ITPR1: variants seen among roughly 807,000 people sequenced by gnomAD.
The protein encoded by ITPR1 is inositol 1,4,5-trisphosphate receptor type 1.
Under a neutral mutation model 318.4 loss-of-function variants are expected in ITPR1, and 96 were observed. The observed-to-expected ratio is 0.30, with a 90% CI of 0.26 to 0.36. The LOEUF is 0.36. Ranked by LOEUF, ITPR1 falls within the 10% of genes least tolerant of loss-of-function variation. The probability of loss-of-function intolerance (pLI) is 1.00; values close to 1 mark genes in which losing one functional copy is unlikely to be tolerated. For missense variants in ITPR1, 2,440 were observed against 3,460.2 expected, an observed-to-expected ratio of 0.71 and a Z score of 7.40; for synonymous variants, 1,312 against 1,289.9, an observed-to-expected ratio of 1.02 and a Z score of -0.37.
intron 44 of ITPR1, among the ~76,000 whole-genome samples, chr3:4,745,633 G>A (rs1022620711): frequency 1.3e-5 from 2 of 152,066 alleles, no homozygotes; most frequent in Admixed American, 6.6e-5. Flanking sequence ...TTTTTCTACC[G>A]ATCCCCTTGG....
chr3:4,846,824 G>A lies in ITPR1; in HGVS notation c.*599G>A, dbSNP rs1035851976. The A allele has an allele frequency of 6.6e-6, 1 of 152,618 alleles. No homozygotes were observed. Among genetic ancestry groups the A allele is most frequent in the Non-Finnish European group, 1.5e-5 (1 of 68,024 alleles). 9.5% of individuals were successfully genotyped at this position (152,618 alleles called of 1,614,324 possible). A position where few individuals can be genotyped will look rare whatever the true frequency, so the allele number is the denominator to read the frequency against. The stretch of plus-strand genomic sequence containing the variant: ...AGTGCCTCCGTCTCCTAGTGATAAT[G>A]CTCCAAGTCTATGAACTGTTAAATC... On this transcript the variant is annotated 3_prime_UTR_variant, in exon 62 of 62. Coordinates refer to ENST00000649015, the MANE Select transcript of ITPR1 (RefSeq NM_001378452.1).
rs371822729 is a variant in ITPR1, at chr3:4,692,919, G to A, written c.4030-571G>A. The stretch of plus-strand genomic sequence containing the variant: ...GTGGATCATCTGAGGTTGAGAGTTC[G>A]AGACCAGCCTAGCCAACATGGGGAA... On this transcript the variant is annotated intron_variant, in intron 32 of 61. Coordinates refer to ENST00000649015, the MANE Select transcript of ITPR1 (RefSeq NM_001378452.1). 2.1e-4 allele frequency among the ~76,000 whole-genome samples: 32 copies of A among 152,218 alleles called. 1 individual carries two copies. The East Asian group carries it at 4.3e-3, about 20-fold the overall frequency.
At chr3:4,764,732 A>G (rs1030317814) in intron 44 of ITPR1, among the ~76,000 whole-genome samples, 13 of 152,334 alleles carry the variant, frequency 8.5e-5, no homozygotes, top group African/African-American at 2.9e-4. Context: ...AGCGTCTGCC[A>G]CAGCTTTGTT....
At chr3:4,820,249 G>A (rs1368866461) in intron 60 of ITPR1, among the ~76,000 whole-genome samples, 1 of 152,148 alleles carries the variant, frequency 6.6e-6, no homozygotes, top group Non-Finnish European at 1.5e-5. Flanking sequence ...ACCTTCATTT[G>A]CATTCGATGT....
intron 4 of ITPR1, among the ~76,000 whole-genome samples, chr3:4,609,787 A>G (rs907125751): frequency 2.0e-5 from 3 of 152,170 alleles, no homozygotes; most frequent in Admixed American, 6.5e-5. Flanking sequence ...CACGTATTCA[A>G]TGGACAACAT....
At chr3:4,813,529 G>C (rs1228009702) in intron 57 of ITPR1, among the ~76,000 whole-genome samples, 1 of 152,178 alleles carries the variant, frequency 6.6e-6, no homozygotes, top group Non-Finnish European at 1.5e-5. Flanking sequence ...GTGATTGCTA[G>C]AGAGTTGCCC....
chr3:4,756,918 T>C (rs1477989194), intron 44 of ITPR1, among the ~76,000 whole-genome samples: 2 of 152,258 alleles, frequency 1.3e-5, no homozygotes, highest in East Asian at 3.8e-4. Context: ...GCACCTTCCA[T>C]CTGAGTAGTT....
chr3:4,802,957 C>G (rs2048333113), intron 54 of ITPR1, among the ~76,000 whole-genome samples: 1 of 152,162 alleles, frequency 6.6e-6, no homozygotes, highest in Non-Finnish European at 1.5e-5. Flanking sequence ...TTAGTTCGTT[C>G]TCACATTGCT....
At chr3:4,711,432 A>C (rs996823431) in intron 38 of ITPR1, among the ~76,000 whole-genome samples, 4 of 152,096 alleles carry the variant, frequency 2.6e-5, no homozygotes, top group Non-Finnish European at 4.4e-5. Context: ...GGCAATTCTC[A>C]GTGGATAAAT....
At chr3:4,772,570 T>C (rs2046252488) in intron 46 of ITPR1, among the ~76,000 whole-genome samples, 1 of 152,218 alleles carries the variant, frequency 6.6e-6, no homozygotes, top group Non-Finnish European at 1.5e-5. Flanking sequence ...CCTGGGGTAA[T>C]GAATGCAGGT....
intron 40 of ITPR1, among the ~76,000 whole-genome samples, chr3:4,722,021 C>G (rs554503474): frequency 6.6e-6 from 1 of 152,306 alleles, no homozygotes; most frequent in Admixed American, 6.5e-5. Context: ...GTGAGTAGAT[C>G]AGTGTCGCAT....
intron 4 of ITPR1, among the ~76,000 whole-genome samples, chr3:4,551,209 G>T (rs957330453): frequency 2.6e-5 from 4 of 152,146 alleles, no homozygotes; most frequent in Non-Finnish European, 5.9e-5. Flanking sequence ...TCTTATTCTT[G>T]TCTTGGTCTG....
In ITPR1 at chr3:4,827,106, C is replaced by T. The variant is rs1370739172; in HGVS notation, c.8028+8864C>T. Among the ~76,000 whole-genome samples the T allele has an allele frequency of 5.3e-5, 8 of 152,234 alleles. No individual in the cohort carries two copies. The South Asian group carries it at 8.3e-4, about 16-fold the overall frequency. The stretch of plus-strand genomic sequence containing the variant: ...CACATGAAATACCTGCATACATGCA[C>T]GTTTTCCTCAACTTGGCAGATCTGA... On this transcript the variant is annotated intron_variant, in intron 60 of 61. Coordinates refer to ENST00000649015, the MANE Select transcript of ITPR1 (RefSeq NM_001378452.1).
chr3:4,686,049 TAC>T (rs2094388734), intron 30 of ITPR1, among the ~76,000 whole-genome samples: 1 of 152,346 alleles, frequency 6.6e-6, no homozygotes, highest in South Asian at 2.1e-4. Context: ...GAGGCCTTTA[TAC>T]ACATTATTAG....
intron 4 of ITPR1, among the ~76,000 whole-genome samples, chr3:4,618,717 C>T (rs564968790): frequency 2.0e-5 from 3 of 152,306 alleles, no homozygotes; most frequent in African/African-American, 4.8e-5. Context: ...TCCTCACCAC[C>T]GTCCTCTATC....
chr3:4,698,961 C>T (rs993718468), intron 34 of ITPR1, among the ~76,000 whole-genome samples: 14 of 152,284 alleles, frequency 9.2e-5, no homozygotes, highest in South Asian at 2.1e-4. Context: ...CACCCCAAAA[C>T]GTGTATAGTC....
At chr3:4,782,528 G>A (rs548358018) in intron 49 of ITPR1, 91 bp from the exon 50 acceptor site, 4 of 1,348,484 alleles carry the variant, frequency 3.0e-6, no homozygotes, top group South Asian at 3.2e-5. Context: ...TTTTCCCTGG[G>A]AGGGGAGACA....
intron 34 of ITPR1, among the ~76,000 whole-genome samples, chr3:4,699,234 G>A (rs2094605007): frequency 6.6e-6 from 1 of 152,026 alleles, no homozygotes. Context: ...GTGGGCACCT[G>A]TAATCCCAGC....
At chr3:4,645,929 T>C in intron 10 of ITPR1, 1 of 523,984 alleles carries the variant, frequency 1.9e-6, no homozygotes, top group Non-Finnish European at 3.3e-6. Flanking sequence ...TATACCCACC[T>C]TATTCCAAAA....
Sources: gnomAD v4.1 joint callset for allele counts (sites outside exome capture counted in the v4.1 genomes callset) on GRCh38, gnomAD v4.1.1 for gene constraint, MANE v1.5 for transcripts, NCBI Gene and HGNC (gene_info 2026-07-23, HGNC 2026-07-21) for gene names.